Variants in HPD observed in about 807,000 individuals in gnomAD.
The protein encoded by HPD is 4-hydroxyphenylpyruvic acid oxidase.
A neutral mutation model predicts 56.9 loss-of-function variants in HPD; 35 were observed. The observed-to-expected ratio is 0.62, with a 90% CI of 0.47 to 0.82. HPD has a LOEUF of 0.82. Ranked by LOEUF, HPD falls within the 40% of genes least tolerant of loss-of-function variation. The pLI, the probability that HPD is intolerant of heterozygous loss-of-function variation, is 0.00. For synonymous variants in HPD, 186 were observed against 200.2 expected (o/e 0.93, Z 0.60); for missense variants, 442 against 506.8 (o/e 0.87, Z 1.23).
At chr12:121,887,232 G>C in the HPD span, among the ~76,000 whole-genome samples, 5 of 95,804 alleles carry the variant, frequency 5.2e-5, no homozygotes, top group South Asian at 1.5e-3. Context: ...TTTTTTTTTT[G>C]TAGAGATGGA....
upstream of HPD, among the ~76,000 whole-genome samples, chr12:121,864,620 A>C (rs1166139929): frequency 6.6e-6 from 1 of 150,514 alleles, no homozygotes; most frequent in Admixed American, 6.6e-5. Context: ...TTGGGAGGCC[A>C]AGGCAGACGG....
the HPD span, among the ~76,000 whole-genome samples, chr12:121,870,533 T>G: frequency 6.8e-6 from 1 of 146,706 alleles, no homozygotes; most frequent in African/African-American, 2.5e-5. Context: ...AAGGCAAGGA[T>G]GGGTGATCTC....
chr12:121,854,923 C>T, intron 6 of HPD, 131 bp from the exon 7 acceptor site: 1 of 734,858 alleles, frequency 1.4e-6, no homozygotes, highest in East Asian at 2.6e-5. Flanking sequence ...AGGTAGGAAC[C>T]CCAGCCAGCT....
chr12:121,843,879 C>G, intron 11 of HPD, 47 bp from the exon 12 acceptor site: 1 of 1,613,544 alleles, frequency 6.2e-7, no homozygotes, highest in Non-Finnish European at 8.5e-7. Context: ...CCAAGTTCAA[C>G]TCCCCTAGCC....
chr12:121,877,112 A>G, the HPD span, among the ~76,000 whole-genome samples: 4 of 150,368 alleles, frequency 2.7e-5, no homozygotes, highest in Admixed American at 6.7e-5. Flanking sequence ...AAAAAAAAAA[A>G]GAACTGTTAT....
At chr12:121,849,177 T>A in intron 8 of HPD, 101 bp from the exon 9 acceptor site, 1 of 762,202 alleles carries the variant, frequency 1.3e-6, no homozygotes, top group South Asian at 1.4e-5. Context: ...CTTCTGTTTT[T>A]GGAGTTCTAT....
At chr12:121,849,213 A>G (rs1432148984) in intron 8 of HPD, 137 bp from the exon 9 acceptor site, 3 of 576,582 alleles carry the variant, frequency 5.2e-6, no homozygotes, top group Non-Finnish European at 9.2e-6. Flanking sequence ...GAGTCTCTAC[A>G]AAAAGAGAGA....
chr12:121,867,178 C>G (rs946679545), upstream of HPD, among the ~76,000 whole-genome samples: 4 of 151,938 alleles, frequency 2.6e-5, no homozygotes, highest in Non-Finnish European at 5.9e-5. Flanking sequence ...ATGGCAAAAC[C>G]CCATCTCTAC....
the HPD span, among the ~76,000 whole-genome samples, chr12:121,882,319 T>C: frequency 1.3e-5 from 2 of 152,028 alleles, no homozygotes; most frequent in African/African-American, 4.8e-5. Flanking sequence ...GGATCTCTAG[T>C]TCCCTGGCTC....
the HPD span, among the ~76,000 whole-genome samples, chr12:121,871,442 C>T: frequency 1.2e-4 from 18 of 152,224 alleles, no homozygotes; most frequent in East Asian, 3.3e-3. Context: ...ACTGGAGACT[C>T]CCAAACAGGC....
chr12:121,845,409 A>G (rs1877547310), intron 11 of HPD, among the ~76,000 whole-genome samples: 1 of 149,236 alleles, frequency 6.7e-6, no homozygotes, highest in South Asian at 2.1e-4. Flanking sequence ...ATCCTGGCTA[A>G]CACAGTGAAA....
At chr12:121,845,856 C>T (rs979204778) in intron 11 of HPD, among the ~76,000 whole-genome samples, 1 of 152,136 alleles carries the variant, frequency 6.6e-6, no homozygotes, top group Non-Finnish European at 1.5e-5. Flanking sequence ...TAGGCATGAG[C>T]CACCATGCCC....
Position 121,843,783 on chromosome 12 carries a change from G to C in HPD, c.881C>G (p.Thr294Arg). ...CTTCTCCCGCAGTTGTTTGTAGTAC[G>C]TGGAGGGAACAGATAAGAACTCCAG... ...RGLEFLSVPS[T>R]YYKQLREKLK... Residue 294 changes from threonine (T) to arginine (R), a missense_variant, in exon 12 of 14, where the codon ACG becomes AGG. Physicochemically the swap from Thr to Arg is moderately conservative, Grantham distance 71 (BLOSUM62 -1). Coordinates refer to ENST00000289004, the MANE Select transcript of HPD (RefSeq NM_002150.3). 1 of 1,614,076 alleles carries C rather than the reference G, an allele frequency of 6.2e-7. No individual in the cohort carries two copies. The highest frequency in any genetic ancestry group is 8.5e-7 in the Non-Finnish European group (1 of 1,179,972).
At chr12:121,884,666 CT>C in the HPD span, among the ~76,000 whole-genome samples, 1 of 151,896 alleles carries the variant, frequency 6.6e-6, no homozygotes, top group Non-Finnish European at 1.5e-5. Context: ...TACCTTTTCT[CT>C]TTTTTTCTTC....
upstream of HPD, among the ~76,000 whole-genome samples, chr12:121,866,040 G>A (rs1182867879): frequency 6.6e-6 from 1 of 152,006 alleles, no homozygotes; most frequent in African/African-American, 2.4e-5. Context: ...GCTCACGCCT[G>A]TACTCCTAGC....
chr12:121,884,270 C>T, the HPD span, among the ~76,000 whole-genome samples: 1 of 151,402 alleles, frequency 6.6e-6, no homozygotes, highest in African/African-American at 2.4e-5. Context: ...TCAAGCAATT[C>T]CCCGGCCTCA....
At chr12:121,863,044 G>A (rs1323774505), upstream of HPD, among the ~76,000 whole-genome samples, 1 of 149,606 alleles carries the variant, frequency 6.7e-6, no homozygotes, top group Non-Finnish European at 1.5e-5. Flanking sequence ...GTGCAATGGC[G>A]TGATCTCTGC....
chr12:121,847,027 C>G, intron 10 of HPD, 25 bp downstream of exon 10: 1 of 1,614,152 alleles, frequency 6.2e-7, no homozygotes, highest in Non-Finnish European at 8.5e-7. Flanking sequence ...CTGCTCCCCT[C>G]TCCCCCAGCC....
At chr12:121,869,550 A>G in the HPD span, among the ~76,000 whole-genome samples, 2 of 130,832 alleles carry the variant, frequency 1.5e-5, no homozygotes, top group Non-Finnish European at 3.2e-5. Context: ...TTTTTTCCCC[A>G]TTTTGTAGGT....
Sources: gnomAD v4.1 joint callset for allele counts (sites outside exome capture counted in the v4.1 genomes callset) on GRCh38, gnomAD v4.1.1 for gene constraint, MANE v1.5 for transcripts, NCBI Gene and HGNC (gene_info 2026-07-23, HGNC 2026-07-21) for gene names.